Variants in SMARCA5 observed in about 807,000 individuals in gnomAD.
SMARCA5 encodes SNF2 related chromatin remodeling ATPase 5.
SMARCA5 carries 18 observed loss-of-function variants against 140.4 expected under a neutral mutation model. The ratio of observed to expected loss-of-function variants is 0.13; its 90% CI spans 0.09 to 0.19. The LOEUF (loss-of-function observed/expected upper bound fraction) is 0.19. SMARCA5 is among the 10% of genes least tolerant of loss of function. SMARCA5 has a pLI of 1.00. For missense variants in SMARCA5, 606 were observed against 1,276.8 expected, an observed-to-expected ratio of 0.47 and a Z score of 8.01; for synonymous variants, 449 against 419.6, an observed-to-expected ratio of 1.07 and a Z score of -0.86.
intron 9 of SMARCA5, 94 bp from the exon 10 acceptor site, chr4:143,534,761 T>A: frequency 1.2e-6 from 1 of 835,450 alleles, no homozygotes; most frequent in Admixed American, 3.5e-5. Context: ...CAGAGAAATT[T>A]CTTTTTCATG....
intron 19 of SMARCA5, 24 bp downstream of exon 19, chr4:143,546,071 C>T (rs1402250488): frequency 6.5e-7 from 1 of 1,547,376 alleles, no homozygotes; most frequent in Non-Finnish European, 8.7e-7. Flanking sequence ...TCAGTACAAA[C>T]TTTAGTAACA....
Position 143,547,499 on chromosome 4 carries a change from C to T in SMARCA5, c.2768C>T (p.Thr923Ile). 6.5e-7 allele frequency: 1 copy of T among 1,540,434 alleles called. No individual in the cohort carries two copies. Among genetic ancestry groups the T allele is most frequent in the Non-Finnish European group, 9.0e-7 (1 of 1,114,054 alleles). Residue 923 changes from threonine (T) to isoleucine (I), a missense_variant, in exon 21 of 24, where the codon ACA becomes ATA. Around this residue, in one of 10 missense-constraint regions of SMARCA5, gnomAD observed 121 missense variants for 227.1 expected, o/e 0.53. Coordinates refer to ENST00000283131, the MANE Select transcript of SMARCA5 (RefSeq NM_003601.4). ...ATAAGCATCAAGAAAGCACTTGACA[C>T]AAAGGTAATTTGCTTGTTAATAAGT... ...RRISIKKALD[T>I]KIGRYKAPFH... is the part of the protein sequence containing the mutation.
In SMARCA5 at chr4:143,528,534, A is replaced by C. The variant is rs373988664; in HGVS notation, c.958-49A>C. 136 of 1,551,516 alleles carry C rather than the reference A, an allele frequency of 8.8e-5. 1 individual carries two copies. The African/African-American group carries it at 1.5e-3, about 17-fold the overall frequency. On this transcript the variant is annotated intron_variant, in intron 7 of 23. Transcript: ENST00000283131. ...TTCCAGGTCTTTGCTGTTGTAGATA[A>C]TGCAATATGCAGAATATTCTAATGG...
chr4:143,525,137 C>T (rs1249286219), intron 4 of SMARCA5, among the ~76,000 whole-genome samples: 1 of 150,610 alleles, frequency 6.6e-6, no homozygotes, highest in Non-Finnish European at 1.5e-5. Context: ...GTTAGGAACA[C>T]TTGGTTTTTC....
chr4:143,545,652 T>C, intron 18 of SMARCA5, 69 bp downstream of exon 18: 4 of 968,478 alleles, frequency 4.1e-6, no homozygotes, highest in South Asian at 2.9e-5. Context: ...ACATTAGTTA[T>C]AAATATTTAT....
chr4:143,523,339 T>C (rs1221150626), intron 3 of SMARCA5, among the ~76,000 whole-genome samples: 1 of 152,220 alleles, frequency 6.6e-6, no homozygotes, highest in African/African-American at 2.4e-5. Flanking sequence ...GAATACGTTT[T>C]TTTTTTAAGT....
chr4:143,551,019 C>CAA (rs1737630684), intron 23 of SMARCA5, among the ~76,000 whole-genome samples: 1 of 152,158 alleles, frequency 6.6e-6, no homozygotes, highest in East Asian at 1.9e-4. Context: ...AATTTGCGTT[C>CAA]CCACCAAAAG....
intron 22 of SMARCA5, among the ~76,000 whole-genome samples, chr4:143,549,301 G>A (rs1291602821): frequency 6.6e-6 from 1 of 151,952 alleles, no homozygotes; most frequent in Non-Finnish European, 1.5e-5. Flanking sequence ...TTTTACTGTA[G>A]TTGTGTGTGT....
At chr4:143,539,486 A>G (rs1465323905) in intron 13 of SMARCA5, among the ~76,000 whole-genome samples, 2 of 151,960 alleles carry the variant, frequency 1.3e-5, no homozygotes, top group Non-Finnish European at 2.9e-5. Context: ...GGCCTGACCC[A>G]TGATATTGGT....
rs772457336 is a variant in SMARCA5 at position 143,555,905 on chromosome 4, A to G, written c.*2721A>G. On this transcript the variant is annotated 3_prime_UTR_variant, in exon 24 of 24. Coordinates refer to ENST00000283131, the MANE Select transcript of SMARCA5 (RefSeq NM_003601.4). ...CAATCCTCTTGCGTCAACCTCTCAA[A>G]GTGCTGGGATTACATGTGTAAGCCT... 1 of 153,286 alleles carries G rather than the reference A, an allele frequency of 6.5e-6. No individual in the cohort carries two copies. The highest frequency in any genetic ancestry group is 1.5e-5 in the Non-Finnish European group (1 of 68,950). 9.5% of individuals were successfully genotyped at this position (153,286 alleles called of 1,614,324 possible).
In SMARCA5 at chr4:143,555,241, C is replaced by T. The variant is rs1737723491; in HGVS notation, c.*2057C>T. ...AGCTTCTGCCTCCAAAGTTTCCTCC[C>T]TTCATGGGTCCAAAATTTGAAGACT... is the stretch of plus-strand genomic sequence containing the variant. On this transcript the variant is annotated 3_prime_UTR_variant, in exon 24 of 24. Transcript: ENST00000283131. The T allele has an allele frequency of 2.9e-5, 25 of 855,892 alleles. No individual in the cohort carries two copies. The highest frequency in any genetic ancestry group is 2.6e-4 in the South Asian group (20 of 76,504). The allele number at this position is 855,892 out of a possible 1,614,324, so 53.0% of individuals were successfully genotyped here. A position where few individuals can be genotyped will look rare whatever the true frequency, so the allele number is the denominator to read the frequency against.
chr4:143,521,702 T>TAAATAATGGCAC, intron 3 of SMARCA5, 107 bp downstream of exon 3: 1 of 1,009,834 alleles, frequency 9.9e-7, no homozygotes, highest in Non-Finnish European at 1.4e-6. Context: ...TTTAGTGCCA[T>TAAATAATGGCAC]TATTTATTTG....
rs1430394088 is a variant in SMARCA5 at position 143,554,917 on chromosome 4, A to C, written c.*1733A>C. ...GGTAGCCCTGAGAGCTTAGGGACTC[A>C]AATGGAAACTGTGTGAAGGGAAACT... is the stretch of plus-strand genomic sequence containing the variant. On this transcript the variant is annotated 3_prime_UTR_variant, in exon 24 of 24. Transcript: ENST00000283131. The C allele has an allele frequency of 2.3e-5, 8 of 346,588 alleles. No individual in the cohort carries two copies. Among genetic ancestry groups the C allele is most frequent in the Non-Finnish European group, 4.4e-5 (8 of 181,220 alleles). The allele number at this position is 346,588 out of a possible 1,614,324, so 21.5% of individuals were successfully genotyped here.
Position 143,526,323 on chromosome 4 carries a change from A to G in SMARCA5, c.664A>G (p.Met222Val). Reference sequence around the variant, plus strand: ...TCAAACAATTTCTCTTCTTGGGTACATGAAACATTATAGAAACATTCCTGG... The same window carrying G: ...TCAAACAATTTCTCTTCTTGGGTACGTGAAACATTATAGAAACATTCCTGG... Reference protein sequence around the residue: ...TLQTISLLGYMKHYRNIPGPH... With the variant: ...TLQTISLLGYVKHYRNIPGPH... Residue 222 changes from methionine to valine, a missense_variant, in exon 6 of 24, where the codon ATG becomes GTG. Transcript: ENST00000283131. 1 of 1,614,068 alleles carries G rather than the reference A, an allele frequency of 6.2e-7. No individual in the cohort carries two copies. Among genetic ancestry groups the G allele is most frequent in the Non-Finnish European group, 8.5e-7 (1 of 1,179,960 alleles).
At position 143,556,970 on chromosome 4, in the gene SMARCA5, A is replaced by T. The variant is rs1359285310; in HGVS notation, c.*3786A>T. 2 of 152,256 alleles carry T rather than the reference A, an allele frequency of 1.3e-5. No individual in the cohort carries two copies. Among genetic ancestry groups the T allele is most frequent in the Non-Finnish European group, 1.5e-5 (1 of 68,054 alleles). The allele number at this position is 152,256 out of a possible 1,614,324, so 9.4% of individuals were successfully genotyped here. A position where few individuals can be genotyped will look rare whatever the true frequency, so the allele number is the denominator to read the frequency against. ...GAAGTGGAATAGTTTCTCCACAGGC[A>T]TAAGAGGCAAAGCATTGTTTCAGAA... is the stretch of plus-strand genomic sequence containing the variant. On this transcript the variant is annotated 3_prime_UTR_variant, in exon 24 of 24. Transcript: ENST00000283131.
At chr4:143,552,104 C>T (rs1432630474) in intron 23 of SMARCA5, among the ~76,000 whole-genome samples, 3 of 151,914 alleles carry the variant, frequency 2.0e-5, no homozygotes, top group Non-Finnish European at 1.5e-5. Flanking sequence ...TATAGTTTAT[C>T]TTAGAGATCT....
At chr4:143,539,925 A>T (rs1737395745) in intron 13 of SMARCA5, among the ~76,000 whole-genome samples, 1 of 152,210 alleles carries the variant, frequency 6.6e-6, no homozygotes, top group African/African-American at 2.4e-5. Flanking sequence ...TTAGGAATGT[A>T]GTTAGCAAAA....
At chr4:143,518,729 T>C (rs993162317) in intron 2 of SMARCA5, among the ~76,000 whole-genome samples, 2 of 152,134 alleles carry the variant, frequency 1.3e-5, no homozygotes, top group African/African-American at 4.8e-5. Flanking sequence ...ATTTTACATA[T>C]GTATATATGT....
At chr4:143,517,478 G>C in intron 2 of SMARCA5, 49 bp downstream of exon 2, 1 of 1,173,658 alleles carries the variant, frequency 8.5e-7, no homozygotes, top group Non-Finnish European at 1.2e-6. Context: ...CTTTTTATCA[G>C]GTGATTAAAT....
Sources: allele counts gnomAD v4.1 joint callset (sites outside exome capture counted in the v4.1 genomes callset), GRCh38; gene constraint gnomAD v4.1.1; regional missense constraint gnomAD v4.1.1; transcripts MANE v1.5; gene names NCBI Gene and HGNC (gene_info 2026-07-23, HGNC 2026-07-21).